MYO1H: variants seen among roughly 807,000 people sequenced by gnomAD.
The protein encoded by MYO1H is unconventional myosin-Ih.
Under a neutral mutation model 149.3 loss-of-function variants are expected in MYO1H, and 118 were observed. The observed-to-expected ratio is 0.79, with a 90% CI of 0.68 to 0.92. The LOEUF (loss-of-function observed/expected upper bound fraction) is 0.92, where lower values mean the gene tolerates loss of function less well. Ranked by LOEUF, MYO1H falls within the 40% of genes least tolerant of loss-of-function variation. The probability of loss-of-function intolerance (pLI) is 0.00; values close to 1 mark genes in which losing one functional copy is unlikely to be tolerated. For missense variants in MYO1H, 1,212 were observed against 1,280.7 expected, an observed-to-expected ratio of 0.95 and a Z score of 0.82; for synonymous variants, 447 against 465.2, an observed-to-expected ratio of 0.96 and a Z score of 0.50.
the MYO1H span, among the ~76,000 whole-genome samples, chr12:109,313,344 T>A: frequency 1.3e-5 from 2 of 152,200 alleles, no homozygotes; most frequent in East Asian, 3.8e-4. Context: ...AATTCTGGTT[T>A]CCTAAGATGT....
intron 3 of MYO1H, among the ~76,000 whole-genome samples, chr12:109,395,011 C>A (rs879504388): frequency 6.6e-6 from 1 of 152,188 alleles, no homozygotes; most frequent in African/African-American, 2.4e-5. Flanking sequence ...GATCTGCCTG[C>A]CTCAGCCTCC....
At chr12:109,436,501 A>G (rs370454477) in exon 22 of MYO1H, 605 of 1,610,928 alleles carry the variant, frequency 3.8e-4, no homozygotes, top group Non-Finnish European at 4.7e-4. Flanking sequence ...CAAGAATCCA[A>G]GCCACTTACA....
intron 1 of MYO1H, among the ~76,000 whole-genome samples, chr12:109,368,306 G>A (rs1192550907): frequency 6.6e-6 from 1 of 152,154 alleles, no homozygotes; most frequent in Non-Finnish European, 1.5e-5. Flanking sequence ...GAGCTCAATA[G>A]ATGTTTGGCA....
At chr12:109,330,819 C>CT in the MYO1H span, among the ~76,000 whole-genome samples, 1 of 152,070 alleles carries the variant, frequency 6.6e-6, no homozygotes, top group African/African-American at 2.4e-5. Flanking sequence ...TTTTCTGCCC[C>CT]TTTTTTCCCC....
intron 5 of MYO1H, among the ~76,000 whole-genome samples, chr12:109,399,331 C>T (rs1258484358): frequency 1.3e-5 from 2 of 152,146 alleles, no homozygotes. Flanking sequence ...GTGGCTCGCA[C>T]CTGTAATCCC....
chr12:109,369,668 G>A (rs1868941630), intron 1 of MYO1H, among the ~76,000 whole-genome samples: 1 of 152,220 alleles, frequency 6.6e-6, no homozygotes, highest in Non-Finnish European at 1.5e-5. Flanking sequence ...GTCTGTGTCT[G>A]TCTTTCTATC....
At position 109,427,510 on chromosome 12, in the gene MYO1H, C is replaced by CCA. The variant is rs1871402144; in HGVS notation, c.1873_1874insCA (p.Leu625ProfsTer4). 1.9e-6 allele frequency: 3 copies of CCA among 1,612,720 alleles called. No homozygotes were observed. The African/African-American group carries it at 4.0e-5, about 22-fold the overall frequency. On this transcript the variant is annotated frameshift_variant, in exon 19 of 32. Coordinates refer to ENST00000310903, the Ensembl canonical transcript of MYO1H. LOFTEE classifies it high-confidence loss of function. ...CCTCATAAGGCATCAGATCAAATAC[C>CCA]TGGGGCTGATGGAGCACCTGCGGGT...
intron 1 of MYO1H, among the ~76,000 whole-genome samples, chr12:109,382,573 TATG>T (rs1323222711): frequency 6.6e-6 from 1 of 152,160 alleles, no homozygotes; most frequent in Non-Finnish European, 1.5e-5. Flanking sequence ...TGGTATTCTT[TATG>T]ATAATGGTGT....
At chr12:109,409,611 T>C in exon 11 of MYO1H, 1 of 1,613,500 alleles carries the variant, frequency 6.2e-7, no homozygotes, top group Non-Finnish European at 8.5e-7. Flanking sequence ...GTTTGAAGTC[T>C]TTGACAAGAA....
intron 1 of MYO1H, among the ~76,000 whole-genome samples, chr12:109,373,761 C>G (rs1441383045): frequency 6.6e-6 from 1 of 152,160 alleles, no homozygotes; most frequent in African/African-American, 2.4e-5. Context: ...AACAAACACT[C>G]ATATGCCTCC....
chr12:109,447,119 G>A, intron 31 of MYO1H, 40 bp from the exon 32 acceptor site: 3 of 1,580,342 alleles, frequency 1.9e-6, no homozygotes, highest in Non-Finnish European at 2.6e-6. Context: ...CGCAAAGGGA[G>A]CGGGGAAGGG....
In MYO1H at chr12:109,444,061, G is replaced by C. The variant is rs149969883; in HGVS notation, c.2825-152G>C. On this transcript the variant is annotated intron_variant, in intron 28 of 31. Coordinates refer to ENST00000310903, the Ensembl canonical transcript of MYO1H. ...CCACGGTGATCAGAGCCCACTAGCA[G>C]GCTAAGATTTCTAAAGTATGCCCTT... Among the ~76,000 whole-genome samples, 106 of 152,310 alleles carry C rather than the reference G, an allele frequency of 7.0e-4. 1 individual carries two copies. The highest frequency in any genetic ancestry group is 6.8e-3 in the Middle Eastern group (2 of 294).
intron 1 of MYO1H, among the ~76,000 whole-genome samples, chr12:109,359,940 C>A (rs1868704739): frequency 6.6e-6 from 1 of 152,230 alleles, no homozygotes; most frequent in East Asian, 1.9e-4. Context: ...TTACTTTCCC[C>A]TCTTTTGATT....
At chr12:109,402,868 A>C (rs1418609440) in intron 6 of MYO1H, among the ~76,000 whole-genome samples, 1 of 152,164 alleles carries the variant, frequency 6.6e-6, no homozygotes, top group Non-Finnish European at 1.5e-5. Flanking sequence ...GGCTTCTCTA[A>C]CCCTTTGATA....
At chr12:109,345,410 A>G (rs1264972441), upstream of MYO1H, among the ~76,000 whole-genome samples, 1 of 152,220 alleles carries the variant, frequency 6.6e-6, no homozygotes, top group Admixed American at 6.5e-5. Flanking sequence ...ATGAGATACC[A>G]CTGCACATCA....
rs139310465 is a variant in MYO1H at position 109,349,069 on chromosome 12, A to C, written c.12+1097A>C. Among the ~76,000 whole-genome samples the C allele has an allele frequency of 6.3e-3, 965 of 152,334 alleles. 11 individuals carry two copies. Among genetic ancestry groups the C allele is most frequent in the African/African-American group, 0.022 (902 of 41,572 alleles). On this transcript the variant is annotated intron_variant, in intron 1 of 31. Transcript: ENST00000310903. ...AGATGCCATTCTTGCATGATATCTC[A>C]AAGTGGTAACTCTAGGAAGCATGAT...
exon 16 of MYO1H, chr12:109,420,985 C>A (rs745668836): frequency 1.3e-5 from 21 of 1,575,980 alleles, no homozygotes; most frequent in African/African-American, 2.7e-5. Context: ...TTACAGGATT[C>A]TTGGAAAAAA....
intron 2 of MYO1H, among the ~76,000 whole-genome samples, chr12:109,390,729 G>A (rs890604315): frequency 2.0e-5 from 3 of 151,178 alleles, no homozygotes; most frequent in African/African-American, 4.9e-5. Flanking sequence ...CAGTGGCCCC[G>A]ATCTTGGCTC....
At chr12:109,353,373 G>A (rs1184989407) in intron 1 of MYO1H, among the ~76,000 whole-genome samples, 13 of 107,634 alleles carry the variant, frequency 1.2e-4, no homozygotes, top group Middle Eastern at 9.4e-3. Flanking sequence ...CAGCCTGGGT[G>A]ACAGAGCGAG....
Sources: allele counts gnomAD v4.1 joint callset (sites outside exome capture counted in the v4.1 genomes callset), GRCh38; gene constraint gnomAD v4.1.1; transcripts MANE v1.5; gene names NCBI Gene and HGNC (gene_info 2026-07-23, HGNC 2026-07-21).